The following HSP90AA1 variants were observed in gnomAD, a reference collection of about 807,000 sequenced individuals.
HSP90AA1 encodes the protein heat shock protein 90 alpha family class A member 1.
Under a neutral mutation model 73.3 loss-of-function variants are expected in HSP90AA1, and 18 were observed. That is an observed-to-expected ratio of 0.25 (90% CI 0.17 to 0.36). HSP90AA1 has a LOEUF of 0.36. Ranked by LOEUF, HSP90AA1 falls within the 10% of genes least tolerant of loss-of-function variation. The pLI, the probability that HSP90AA1 is intolerant of heterozygous loss-of-function variation, is 1.00. For synonymous variants in HSP90AA1, 477 were observed against 296.9 expected, an observed-to-expected ratio of 1.61 and a Z score of -6.24; for missense variants, 704 against 874.2, an observed-to-expected ratio of 0.81 and a Z score of 2.45.
At chr14:102,122,439 C>T (rs2049790079) in intron 1 of HSP90AA1, among the ~76,000 whole-genome samples, 1 of 151,824 alleles carries the variant, frequency 6.6e-6, no homozygotes, top group African/African-American at 2.4e-5. Context: ...CACAACCACA[C>T]CCGGCTAATT....
chr14:102,130,274 AATATGTTTTGATTTCTCTTGGGTATATAC>A (rs1290221212), intron 1 of HSP90AA1, among the ~76,000 whole-genome samples: 1 of 151,932 alleles, frequency 6.6e-6, no homozygotes, highest in Non-Finnish European at 1.5e-5. Context: ...CGGCCGTGTG[AATATGTTTTGATTTCTCTTGGGTATATAC>A]ATACGATTGG....
intron 1 of HSP90AA1, among the ~76,000 whole-genome samples, chr14:102,128,190 T>C (rs758119959): frequency 1.3e-5 from 2 of 152,050 alleles, no homozygotes; most frequent in Non-Finnish European, 2.9e-5. Context: ...GTGGAGAAAT[T>C]GATCTTGAAA....
At chr14:102,125,618 G>A (rs1033316821) in intron 1 of HSP90AA1, among the ~76,000 whole-genome samples, 2 of 152,152 alleles carry the variant, frequency 1.3e-5, no homozygotes, top group African/African-American at 4.8e-5. Flanking sequence ...AGAGCTTTCT[G>A]AAAGCATGAG....
At chr14:102,120,671 G>A (rs760354741) in intron 1 of HSP90AA1, among the ~76,000 whole-genome samples, 10 of 151,882 alleles carry the variant, frequency 6.6e-5, no homozygotes, top group East Asian at 1.9e-4. Flanking sequence ...GGCCGGGTGC[G>A]ATGGCTCACA....
In HSP90AA1 at chr14:102,126,129, T is replaced by C. The variant is rs149189281; in HGVS notation, c.155+13121A>G. 4.5e-3 allele frequency among the ~76,000 whole-genome samples: 688 copies of C among 152,174 alleles called. 6 individuals are homozygous for C. The highest frequency in any genetic ancestry group is 0.015 in the African/African-American group (638 of 41,510). ...TTTAAGTTGAAAAGTGAGGGATGAA[T>C]AAGCAGAGAGCATACCAGGCAGGAG... is the stretch of plus-strand genomic sequence containing the variant. On this transcript the variant is annotated intron_variant, in intron 1 of 11. Coordinates refer to the HSP90AA1 transcript ENST00000334701.
chr14:102,087,373 C>G (rs1390588583), upstream of HSP90AA1, among the ~76,000 whole-genome samples: 5 of 151,600 alleles, frequency 3.3e-5, no homozygotes, highest in African/African-American at 9.7e-5. Flanking sequence ...GCCCTCCGCC[C>G]TGCACCCCCA....
At chr14:102,084,094 C>G in intron 6 of HSP90AA1, 111 bp from the exon 7 acceptor site, 2 of 890,320 alleles carry the variant, frequency 2.2e-6, no homozygotes, top group South Asian at 1.4e-5. Flanking sequence ...ATTTTTGAGA[C>G]AGTCTCACTC....
intron 1 of HSP90AA1, among the ~76,000 whole-genome samples, chr14:102,102,532 C>T (rs775862044): frequency 2.6e-5 from 4 of 152,192 alleles, no homozygotes; most frequent in Non-Finnish European, 5.9e-5. Flanking sequence ...AAATTGAATC[C>T]AGGGGAAGTG....
chr14:102,098,576 G>A (rs1375464576), intron 2 of HSP90AA1, among the ~76,000 whole-genome samples: 1 of 146,516 alleles, frequency 6.8e-6, no homozygotes, highest in Non-Finnish European at 1.5e-5. Context: ...TGATTCTCCT[G>A]CCTCCGCCTC....
At chr14:102,103,702 G>T (rs560970925) in intron 1 of HSP90AA1, among the ~76,000 whole-genome samples, 15 of 151,936 alleles carry the variant, frequency 9.9e-5, no homozygotes, top group African/African-American at 3.4e-4. Context: ...TACTTGGGAG[G>T]CAGAGGCAGA....
At chr14:102,134,578 G>C (rs1320033037) in intron 1 of HSP90AA1, among the ~76,000 whole-genome samples, 1 of 151,914 alleles carries the variant, frequency 6.6e-6, no homozygotes, top group Non-Finnish European at 1.5e-5. Flanking sequence ...TGATGGGTTC[G>C]TGGTCTCACT....
intron 1 of HSP90AA1, among the ~76,000 whole-genome samples, chr14:102,106,410 A>G (rs2049567952): frequency 6.6e-6 from 1 of 152,154 alleles, no homozygotes; most frequent in South Asian, 2.1e-4. Context: ...TCTGTCAGCT[A>G]ATATCAAGTA....
intron 2 of HSP90AA1, among the ~76,000 whole-genome samples, chr14:102,097,441 C>G (rs575456514): frequency 6.6e-6 from 1 of 151,920 alleles, no homozygotes; most frequent in Non-Finnish European, 1.5e-5. Context: ...ATCTCCCTTA[C>G]GACTATAGGG....
At chr14:102,106,135 G>A (rs1007949688) in intron 1 of HSP90AA1, among the ~76,000 whole-genome samples, 3 of 152,090 alleles carry the variant, frequency 2.0e-5, no homozygotes, top group Non-Finnish European at 4.4e-5. Flanking sequence ...GTGAAAGTAG[G>A]TGCCTGCAGT....
At chr14:102,089,231 T>C (rs1436684118), upstream of HSP90AA1, among the ~76,000 whole-genome samples, 1 of 152,088 alleles carries the variant, frequency 6.6e-6, no homozygotes, top group Non-Finnish European at 1.5e-5. Context: ...AGCTCTGACA[T>C]TCTTTGTCCT....
intron 2 of HSP90AA1, among the ~76,000 whole-genome samples, chr14:102,094,413 A>T (rs1352570601): frequency 6.6e-6 from 1 of 152,236 alleles, no homozygotes; most frequent in Admixed American, 6.5e-5. Context: ...TGGTCGAGGC[A>T]GGCATAAAGC....
intron 1 of HSP90AA1, among the ~76,000 whole-genome samples, chr14:102,138,475 C>T (rs916062204): frequency 6.7e-6 from 1 of 149,296 alleles, no homozygotes; most frequent in East Asian, 2.0e-4. Flanking sequence ...TTTTCAGGCT[C>T]TATTAATTAA....
intron 1 of HSP90AA1, among the ~76,000 whole-genome samples, chr14:102,118,816 C>G (rs943271550): frequency 1.3e-5 from 2 of 148,466 alleles, no homozygotes; most frequent in African/African-American, 4.9e-5. Context: ...CCCATACATT[C>G]TTTTTAGAAT....
chr14:102,085,046 AGC>A (rs772683516), intron 4 of HSP90AA1, 48 bp from the exon 5 acceptor site: 1 of 1,613,638 alleles, frequency 6.2e-7, no homozygotes, highest in South Asian at 1.1e-5. Context: ...TCCAGAACTA[AGC>A]GACAGCGCTG....
Sources: allele counts gnomAD v4.1 joint callset (sites outside exome capture counted in the v4.1 genomes callset), GRCh38; gene constraint gnomAD v4.1.1; transcripts MANE v1.5; gene names NCBI Gene and HGNC (gene_info 2026-07-23, HGNC 2026-07-21).